The following TARBP1 variants were observed in gnomAD, a reference collection of about 807,000 sequenced individuals.
TARBP1 encodes the protein tRNA (guanosine(18)-2'-O)-methyltransferase TARBP1.
In TARBP1, 144 loss-of-function variants were observed where a neutral mutation model predicts 178.6. The observed-to-expected ratio is 0.81, with a 90% CI of 0.70 to 0.93. The LOEUF is 0.93. Among genes scored for constraint, TARBP1 ranks in the 40% least tolerant of loss-of-function variants. The pLI is 0.00. For synonymous variants in TARBP1, 787 were observed against 781.0 expected (o/e 1.01, Z -0.13); for missense variants, 2,067 against 2,011.7 (o/e 1.03, Z -0.53).
intron 17 of TARBP1, among the ~76,000 whole-genome samples, chr1:234,428,252 T>C (rs1664004455): frequency 6.6e-6 from 1 of 152,170 alleles, no homozygotes; most frequent in Non-Finnish European, 1.5e-5. Context: ...CCTTGGTATG[T>C]TCCTATCTCA....
At chr1:234,473,130 G>A (rs1669232043) in intron 1 of TARBP1, among the ~76,000 whole-genome samples, 1 of 152,102 alleles carries the variant, frequency 6.6e-6, no homozygotes, top group Admixed American at 6.5e-5. Flanking sequence ...GAACACTGGG[G>A]GCAGACAACA....
chr1:234,393,928 G>A (rs1239847766), intron 26 of TARBP1, 91 bp from the exon 27 acceptor site: 8 of 999,170 alleles, frequency 8.0e-6, no homozygotes, highest in East Asian at 5.5e-5. Flanking sequence ...TTAAGAATGT[G>A]AAATAATTTA....
At chr1:234,469,838 G>A (rs2103298333) in intron 3 of TARBP1, among the ~76,000 whole-genome samples, 1 of 152,324 alleles carries the variant, frequency 6.6e-6, no homozygotes, top group East Asian at 1.9e-4. Flanking sequence ...AAACACATTT[G>A]AAATTATATC....
intron 25 of TARBP1, among the ~76,000 whole-genome samples, chr1:234,400,043 A>AAAATAAAAAC (rs138247136): frequency 0.49 from 72,883 of 149,316 alleles, 17,878 homozygotes; most frequent in Admixed American, 0.58. Flanking sequence ...TAATAATAAT[A>AAAATAAAAAC]AAATAAAAAC....
At chr1:234,427,074 T>A (rs540804708) in intron 19 of TARBP1, among the ~76,000 whole-genome samples, 1 of 152,322 alleles carries the variant, frequency 6.6e-6, no homozygotes, top group South Asian at 2.1e-4. Context: ...ATTTCCTTGT[T>A]TACGCTGGAG....
At chr1:234,470,563 A>AG (rs888595077) in intron 3 of TARBP1, among the ~76,000 whole-genome samples, 1 of 151,868 alleles carries the variant, frequency 6.6e-6, no homozygotes, top group African/African-American at 2.4e-5. Flanking sequence ...CAACGGTTTA[A>AG]AAAATTAACC....
intron 1 of TARBP1, 137 bp downstream of exon 1, chr1:234,478,036 G>C (rs1669729307): frequency 1.2e-6 from 1 of 820,400 alleles, no homozygotes; most frequent in African/African-American, 1.8e-5. Context: ...TCAGGCTTTA[G>C]GGGAGCAACG....
In TARBP1 at chr1:234,428,550, C is replaced by CTT. The variant is rs201444380; in HGVS notation, c.3060+584_3060+585dup. Among the ~76,000 whole-genome samples, 11 of 146,694 alleles carry CTT rather than the reference C, an allele frequency of 7.5e-5. No homozygotes were observed. The East Asian group carries it at 7.9e-4, about 11-fold the overall frequency. ...CCAGTTTTTCATACAGATTTCCCAA[C>CTT]TTTTTTTTTTTTTGAGATGGAGTCT... On this transcript the variant is annotated intron_variant, in intron 17 of 29. Coordinates refer to ENST00000040877, the MANE Select transcript of TARBP1 (RefSeq NM_005646.4).
At chr1:234,413,008 G>C (rs546298489) in intron 22 of TARBP1, among the ~76,000 whole-genome samples, 5 of 151,964 alleles carry the variant, frequency 3.3e-5, no homozygotes, top group African/African-American at 1.2e-4. Flanking sequence ...CTCGACCCCC[G>C]ACCCGCCGGA....
At chr1:234,418,839 G>A (rs983841915) in intron 21 of TARBP1, among the ~76,000 whole-genome samples, 1 of 152,184 alleles carries the variant, frequency 6.6e-6, no homozygotes. Context: ...TATCTAAGCA[G>A]CAGGTGAAAA....
chr1:234,408,786 A>C (rs1344436172), intron 23 of TARBP1, among the ~76,000 whole-genome samples: 1 of 152,132 alleles, frequency 6.6e-6, no homozygotes, highest in Non-Finnish European at 1.5e-5. Context: ...CTGATCCCCG[A>C]ATGCTCAGGG....
At chr1:234,419,962 A>G (rs1662900370) in intron 21 of TARBP1, among the ~76,000 whole-genome samples, 1 of 152,202 alleles carries the variant, frequency 6.6e-6, no homozygotes, top group Non-Finnish European at 1.5e-5. Context: ...TAATTCTCTC[A>G]CACATTTAAA....
At chr1:234,470,005 A>G (rs2031916) in intron 3 of TARBP1, among the ~76,000 whole-genome samples, 13,247 of 152,218 alleles carry the variant, frequency 0.087, 956 homozygotes, top group East Asian at 0.24. Context: ...GGTGGCTCAC[A>G]CCTGTAATCC....
chr1:234,421,659 A>G (rs2103099788), intron 20 of TARBP1, among the ~76,000 whole-genome samples: 1 of 152,338 alleles, frequency 6.6e-6, no homozygotes, highest in African/African-American at 2.4e-5. Flanking sequence ...GGCAGCACTG[A>G]GCCTTTCCTA....
rs947038929 is a variant in TARBP1, at chr1:234,467,592, A to G, written c.1158T>C (p.Ser386=). The change falls in exon 4 of 30, where the codon AGT becomes AGC. Residue 386 remains serine, a synonymous_variant. Coordinates refer to ENST00000040877, the MANE Select transcript of TARBP1 (RefSeq NM_005646.4). ...HMCIYKRMFE[S]ENKILSKEGV... is the part of the protein sequence containing the mutation. Reference sequence around the variant, plus strand: ...CTTCTTTGGACAGGATTTTGTTTTCACTTTCAAACATTCTTTTATAAATAC... The same window carrying G: ...CTTCTTTGGACAGGATTTTGTTTTCGCTTTCAAACATTCTTTTATAAATAC... The G allele has an allele frequency of 5.6e-6, 9 of 1,609,940 alleles. No homozygotes were observed. Among genetic ancestry groups the G allele is most frequent in the African/African-American group, 4.0e-5 (3 of 74,762 alleles).
intron 20 of TARBP1, among the ~76,000 whole-genome samples, chr1:234,425,378 T>C (rs1663617727): frequency 6.6e-6 from 1 of 152,002 alleles, no homozygotes; most frequent in Admixed American, 6.6e-5. Flanking sequence ...CTAACCAAGA[T>C]TTTTTTTCTT....
chr1:234,479,050 G>A lies in TARBP1; in HGVS notation c.54C>T (p.Ala18=). 3.9e-6 allele frequency: 6 copies of A among 1,539,064 alleles called. No homozygotes were observed. The highest frequency in any genetic ancestry group is 5.2e-6 in the Non-Finnish European group (6 of 1,155,916). The change falls in exon 1 of 30, where the codon GCC becomes GCT. Residue 18 remains alanine, a synonymous_variant. Coordinates refer to ENST00000040877, the MANE Select transcript of TARBP1 (RefSeq NM_005646.4). ...ALLSQSRDPR[A]LLGALCQGEA... ...CCCCTTGGCACAGCGCCCCAAGCAG[G>A]GCCCGGGGGTCCCGGCTCTGCGAGA...
At chr1:234,454,490 A>C (rs1050667694) in intron 9 of TARBP1, among the ~76,000 whole-genome samples, 6 of 152,188 alleles carry the variant, frequency 3.9e-5, no homozygotes, top group African/African-American at 1.4e-4. Flanking sequence ...GGTCCAGGTC[A>C]AAGAAGACCG....
At chr1:234,402,039 C>T (rs921686661) in intron 24 of TARBP1, among the ~76,000 whole-genome samples, 5 of 152,318 alleles carry the variant, frequency 3.3e-5, no homozygotes, top group African/African-American at 1.2e-4. Flanking sequence ...CCGCATCTCC[C>T]CTCTTCTCTA....
Sources: allele counts gnomAD v4.1 joint callset (sites outside exome capture counted in the v4.1 genomes callset), GRCh38; gene constraint gnomAD v4.1.1; transcripts MANE v1.5; gene names NCBI Gene and HGNC (gene_info 2026-07-23, HGNC 2026-07-21).